The following GBA1 variants were observed in gnomAD, a reference collection of about 807,000 sequenced individuals.
The protein encoded by GBA1 is glucosylceramidase beta 1, also known as lysosomal acid glucosylceramidase.
chr1:155,242,001 G>A, the GBA1 span, among the ~76,000 whole-genome samples: 2 of 152,222 alleles, frequency 1.3e-5, no homozygotes, highest in Non-Finnish European at 2.9e-5. Flanking sequence ...CAAGGAGGAA[G>A]CTGTCCATGG....
chr1:155,244,034 G>T, the GBA1 span: 5 of 152,272 alleles, frequency 3.3e-5, no homozygotes, highest in African/African-American at 9.7e-5. Flanking sequence ...AAAGCAAGTG[G>T]ATATAAAGAC....
At chr1:155,238,765 C>A in the GBA1 span, 1 of 1,588,582 alleles carries the variant, frequency 6.3e-7, no homozygotes, top group Non-Finnish European at 8.6e-7. Flanking sequence ...GGAACTTGGG[C>A]TCCTGGGTTG....
At chr1:155,243,775 T>C in the GBA1 span, among the ~76,000 whole-genome samples, 1 of 152,018 alleles carries the variant, frequency 6.6e-6, no homozygotes, top group Non-Finnish European at 1.5e-5. Context: ...GCTTGTTTTT[T>C]GTTTTGTTTT....
At chr1:155,235,331 G>T in the GBA1 span, 1 of 1,607,666 alleles carries the variant, frequency 6.2e-7, no homozygotes, top group Non-Finnish European at 8.5e-7. Flanking sequence ...GGAACAGATG[G>T]TCAGAGTCCC....
At chr1:155,236,201 G>T in the GBA1 span, 1 of 1,509,942 alleles carries the variant, frequency 6.6e-7, no homozygotes, top group African/African-American at 1.4e-5. Flanking sequence ...ACTAGTAAGA[G>T]GTCTGAGGTC....
At chr1:155,236,225 G>C in the GBA1 span, 1 of 1,600,446 alleles carries the variant, frequency 6.2e-7, no homozygotes, top group Non-Finnish European at 8.6e-7. Context: ...TTTGCAGGAA[G>C]GGAGACTGGG....
At chr1:155,240,850 A>G in the GBA1 span, 1 of 902,942 alleles carries the variant, frequency 1.1e-6, no homozygotes, top group Non-Finnish European at 1.8e-6. Flanking sequence ...GGCCCACAGA[A>G]ACCTGGGTGC....
At chr1:155,235,555 G>C in the GBA1 span, 1 of 1,183,206 alleles carries the variant, frequency 8.5e-7, no homozygotes. Context: ...AAGGGGATGG[G>C]TGTGCCTCTT....
chr1:155,241,262 T>C, the GBA1 span: 44 of 737,378 alleles, frequency 6.0e-5, no homozygotes, highest in South Asian at 5.7e-4. Flanking sequence ...CTTCCCGATG[T>C]GGATGGGTCA....
the GBA1 span, among the ~76,000 whole-genome samples, chr1:155,243,803 A>G: frequency 6.6e-6 from 1 of 150,818 alleles, no homozygotes; most frequent in African/African-American, 2.4e-5. Context: ...GAGACGGAGT[A>G]TCTCTGTCAC....
the GBA1 span, chr1:155,236,618 C>G: frequency 4.2e-6 from 3 of 711,282 alleles, no homozygotes; most frequent in Non-Finnish European, 7.5e-6. Context: ...GACAGGATGT[C>G]ACTCTGTCAC....
the GBA1 span, chr1:155,241,185 A>C: frequency 6.8e-7 from 1 of 1,477,644 alleles, no homozygotes; most frequent in Middle Eastern, 1.7e-4. Flanking sequence ...GATCCACTAA[A>C]CAAAAACAAG....
At chr1:155,241,482 C>T in the GBA1 span, among the ~76,000 whole-genome samples, 78 of 152,040 alleles carry the variant, frequency 5.1e-4, no homozygotes, top group African/African-American at 1.7e-3. Flanking sequence ...GGATGGGAAC[C>T]ACAGCAGGCA....
chr1:155,243,771 TTTTTG>T, the GBA1 span, among the ~76,000 whole-genome samples: 4 of 151,892 alleles, frequency 2.6e-5, no homozygotes, highest in Non-Finnish European at 5.9e-5. Context: ...GTCCGCTTGT[TTTTTG>T]TTTTGTTTTT....
chr1:155,240,596 C>T, the GBA1 span: 12 of 1,517,934 alleles, frequency 7.9e-6, no homozygotes, highest in African/African-American at 1.5e-4. Context: ...AAGGGAGGCT[C>T]TGTGCTACCT....
the GBA1 span, chr1:155,238,031 G>A: frequency 8.0e-7 from 1 of 1,252,334 alleles, no homozygotes; most frequent in African/African-American, 1.5e-5. Context: ...GTGAGCTGAG[G>A]ACAGGCAGAT....
the GBA1 span, among the ~76,000 whole-genome samples, chr1:155,243,695 A>C: frequency 6.6e-6 from 1 of 151,748 alleles, no homozygotes; most frequent in Non-Finnish European, 1.5e-5. Flanking sequence ...AAACTCCTAA[A>C]CTCAAAGGAT....
chr1:155,238,129 C>A, the GBA1 span: 1 of 1,614,098 alleles, frequency 6.2e-7, no homozygotes, highest in Non-Finnish European at 8.5e-7. Flanking sequence ...TTGCTGATCC[C>A]TTACTTCACA....
chr1:155,242,594 TTTC>T, the GBA1 span, among the ~76,000 whole-genome samples: 2 of 150,994 alleles, frequency 1.3e-5, no homozygotes, highest in South Asian at 4.2e-4. Flanking sequence ...AAATTGATCA[TTTC>T]TTCTTCTAGG....
Sources: allele counts gnomAD v4.1 joint callset (sites outside exome capture counted in the v4.1 genomes callset), GRCh38; gene constraint gnomAD v4.1.1; transcripts MANE v1.5; gene names NCBI Gene and HGNC (gene_info 2026-07-23, HGNC 2026-07-21).